Variants in CCDC141 observed in about 807,000 individuals in gnomAD.
CCDC141 encodes the protein coiled-coil domain-containing protein 141.
Under a neutral mutation model 181.0 loss-of-function variants are expected in CCDC141, and 168 were observed. The ratio of observed to expected loss-of-function variants is 0.93; its 90% CI spans 0.82 to 1.05. The LOEUF (loss-of-function observed/expected upper bound fraction) is 1.05, where lower values mean the gene tolerates loss of function less well. Ranked by LOEUF, CCDC141 falls within the 50% of genes least tolerant of loss-of-function variation. CCDC141 has a pLI of 0.00. For missense variants in CCDC141, 1,902 were observed against 1,788.5 expected, an observed-to-expected ratio of 1.06 and a Z score of -1.14; for synonymous variants, 666 against 642.3, an observed-to-expected ratio of 1.04 and a Z score of -0.56.
chr2:178,977,674 G>T (rs1691180854), intron 3 of CCDC141, among the ~76,000 whole-genome samples: 1 of 152,012 alleles, frequency 6.6e-6, no homozygotes, highest in South Asian at 2.1e-4. Context: ...TTGGATTTAA[G>T]TCCTGAATTT....
intron 17 of CCDC141, among the ~76,000 whole-genome samples, chr2:178,857,187 ACAGCCATC>A (rs1685425057): frequency 6.6e-6 from 1 of 152,114 alleles, no homozygotes; most frequent in South Asian, 2.1e-4. Flanking sequence ...ATACTCTCTC[ACAGCCATC>A]ATGTATACAT....
chr2:179,014,891 T>A (rs1046553204), intron 2 of CCDC141, among the ~76,000 whole-genome samples: 31 of 151,404 alleles, frequency 2.0e-4, no homozygotes, highest in African/African-American at 7.3e-4. Context: ...AAAGTAGAAC[T>A]ACCATTTGAT....
At chr2:178,990,120 CA>C (rs1691975894) in intron 2 of CCDC141, among the ~76,000 whole-genome samples, 1 of 117,202 alleles carries the variant, frequency 8.5e-6, no homozygotes, top group Non-Finnish European at 1.7e-5. Context: ...GGCTGGACAA[CA>C]AGAGCGAAAT....
intron 2 of CCDC141, among the ~76,000 whole-genome samples, chr2:178,989,939 C>T (rs912515276): frequency 2.7e-5 from 4 of 149,650 alleles, no homozygotes; most frequent in Non-Finnish European, 4.4e-5. Flanking sequence ...CAGGAGTTCA[C>T]GACCAGCCTG....
intron 2 of CCDC141, among the ~76,000 whole-genome samples, chr2:178,996,226 C>A (rs1392056937): frequency 6.6e-6 from 1 of 151,854 alleles, no homozygotes; most frequent in African/African-American, 2.4e-5. Flanking sequence ...TACAGGCATG[C>A]ACCACCATGC....
In CCDC141 at chr2:178,869,176, TTC is replaced by T. The variant is rs1685994575; in HGVS notation, c.2333_2334del (p.Arg778AsnfsTer41). 1 of 1,613,542 alleles carries T rather than the reference TTC, an allele frequency of 6.2e-7. No homozygotes were observed. Among genetic ancestry groups the T allele is most frequent in the Non-Finnish European group, 8.5e-7 (1 of 1,179,766 alleles). On this transcript the variant is annotated frameshift_variant, in exon 15 of 24. Coordinates refer to ENST00000443758, the MANE Select transcript of CCDC141 (RefSeq NM_173648.4). LOFTEE classifies it high-confidence loss of function. Reference sequence around the variant, plus strand: ...TACAGGATATCCTCGTAATCCTGGATTCTCTCTTTCTGTTTTTGATGGAAGTG... The same window carrying T: ...TACAGGATATCCTCGTAATCCTGGATTCTCTTTCTGTTTTTGATGGAAGTG... ...LIHFHQKQKE[R>X]IQDYEDILYK...
chr2:178,972,456 G>A (rs748896650), intron 4 of CCDC141, among the ~76,000 whole-genome samples: 4 of 152,170 alleles, frequency 2.6e-5, no homozygotes, highest in Non-Finnish European at 5.9e-5. Flanking sequence ...CACAGTGTGT[G>A]AGGTGATGTA....
intron 6 of CCDC141, among the ~76,000 whole-genome samples, chr2:178,919,673 A>C (rs1450659762): frequency 1.3e-5 from 2 of 152,278 alleles, no homozygotes; most frequent in African/African-American, 4.8e-5. Context: ...ATGCAGGTAA[A>C]TGTGTACAAG....
rs1201761171 is a variant in CCDC141 at position 178,975,068 on chromosome 2, T to G, written c.515A>C (p.His172Pro). 1.3e-6 allele frequency: 2 copies of G among 1,488,022 alleles called. No individual in the cohort carries two copies. The highest frequency in any genetic ancestry group is 1.8e-6 in the Non-Finnish European group (2 of 1,097,746). The allele number at this position is 1,488,022 out of a possible 1,614,324, so 92.2% of individuals were successfully genotyped here. A position where few individuals can be genotyped will look rare whatever the true frequency, so the allele number is the denominator to read the frequency against. Residue 172 changes from histidine (H) to proline (P), a missense_variant, in exon 4 of 24, where the codon CAT (histidine) becomes CCT (proline). By Grantham distance (77) the His-to-Pro change is moderately conservative (BLOSUM62 -2). Coordinates refer to ENST00000443758, the MANE Select transcript of CCDC141 (RefSeq NM_173648.4). Reference protein sequence around the residue: ...SLKSLLQLHEHHTKELLERSL... With the variant: ...SLKSLLQLHEPHTKELLERSL... ...AACATATTTCTTGCCTTTAGTATGATGTTCATGAAGCTGAAGAAGTGATTT... is the reference window on the plus strand; with the variant it reads ...AACATATTTCTTGCCTTTAGTATGAGGTTCATGAAGCTGAAGAAGTGATTT...
In CCDC141 at chr2:178,865,881, C is replaced by T. The variant is rs1474140463; in HGVS notation, c.2610G>A (p.Gln870=). 1 of 1,600,200 alleles carries T rather than the reference C, an allele frequency of 6.2e-7. No homozygotes were observed. Residue 870 remains glutamine, a synonymous_variant, in exon 17 of 24, where the codon CAG becomes CAA. Transcript: ENST00000443758. ...TGTCCTCCTCAAGGAGCTCCAGCTG[C>T]TGCTGTAGGTTCTTTGCAGAAACAT... is the stretch of plus-strand genomic sequence containing the variant. ...CSNVSAKNLQ[Q]QLELLEEDSM... is the part of the protein sequence containing the mutation.
At chr2:178,930,703 G>A (rs1339635657) in intron 6 of CCDC141, among the ~76,000 whole-genome samples, 1 of 152,070 alleles carries the variant, frequency 6.6e-6, no homozygotes, top group Non-Finnish European at 1.5e-5. Context: ...CTTCAACAGA[G>A]AAAGAATATT....
chr2:179,043,682 A>G (rs561413820), intron 2 of CCDC141, among the ~76,000 whole-genome samples: 81 of 152,360 alleles, frequency 5.3e-4, no homozygotes, highest in African/African-American at 1.9e-3. Flanking sequence ...ACCTCAAAAT[A>G]ACAAAAGCCA....
At position 178,850,092 on chromosome 2, in the gene CCDC141, G is replaced by A. The variant is rs1293223009; in HGVS notation, c.3314C>T (p.Thr1105Ile). The A allele has an allele frequency of 6.2e-7, 1 of 1,610,292 alleles. No individual in the cohort carries two copies. The highest frequency in any genetic ancestry group is 1.7e-5 in the Admixed American group (1 of 59,436). Residue 1105 changes from threonine to isoleucine, a missense_variant, in exon 21 of 24, where the codon ACT becomes ATT. Thr to Ile is a moderately conservative substitution (Grantham distance 89). Transcript: ENST00000443758. ...TKHKEVLESVTELCESLTELE... is the reference protein window; with the variant it reads ...TKHKEVLESVIELCESLTELE... ...CTCTGTGAGGGACTCACATAATTCA[G>A]TCACAGATTCAAGAACCTCTTTGTG... is the stretch of plus-strand genomic sequence containing the variant.
At chr2:179,020,008 G>A (rs746818457) in intron 2 of CCDC141, among the ~76,000 whole-genome samples, 13 of 151,982 alleles carry the variant, frequency 8.6e-5, no homozygotes, top group Non-Finnish European at 1.6e-4. Context: ...TGACCACCTG[G>A]GCCTACCAAA....
chr2:178,993,704 G>A (rs1692158669), intron 2 of CCDC141, among the ~76,000 whole-genome samples: 1 of 152,158 alleles, frequency 6.6e-6, no homozygotes, highest in Non-Finnish European at 1.5e-5. Flanking sequence ...ACAGTCTAAA[G>A]TCTCATCCAA....
At chr2:179,017,961 T>C (rs1032288206) in intron 2 of CCDC141, among the ~76,000 whole-genome samples, 1 of 152,066 alleles carries the variant, frequency 6.6e-6, no homozygotes, top group Non-Finnish European at 1.5e-5. Context: ...AGGAAAATAT[T>C]TTGGAATTGG....
At chr2:179,004,173 T>A (rs1300013614) in intron 2 of CCDC141, among the ~76,000 whole-genome samples, 1 of 152,172 alleles carries the variant, frequency 6.6e-6, no homozygotes, top group African/African-American at 2.4e-5. Flanking sequence ...AATGTTGCAT[T>A]TTGGGATTTG....
rs1575154161 is a variant in CCDC141, at chr2:178,872,068, G to T, written c.2079+65C>A. ...ATTTCACTTAGCTAGTGTTTTCAAG[G>T]TTCGCTCATGTTAGCCTGTGTCGGA... is the stretch of plus-strand genomic sequence containing the variant. On this transcript the variant is annotated intron_variant, in intron 13 of 23. Coordinates refer to ENST00000443758, the MANE Select transcript of CCDC141 (RefSeq NM_173648.4). The T allele has an allele frequency of 6.7e-6, 10 of 1,495,112 alleles. No individual in the cohort carries two copies. The East Asian group carries it at 2.1e-4, about 31-fold the overall frequency. The allele number at this position is 1,495,112 out of a possible 1,614,324, so 92.6% of individuals were successfully genotyped here. A position where few individuals can be genotyped will look rare whatever the true frequency, so the allele number is the denominator to read the frequency against.
intron 2 of CCDC141, among the ~76,000 whole-genome samples, chr2:179,010,572 A>G (rs1423816748): frequency 6.6e-6 from 1 of 152,154 alleles, no homozygotes; most frequent in African/African-American, 2.4e-5. Context: ...TGAAGGAAAG[A>G]TACAGTCTTT....
Sources: allele counts gnomAD v4.1 joint callset (sites outside exome capture counted in the v4.1 genomes callset), GRCh38; gene constraint gnomAD v4.1.1; transcripts MANE v1.5; gene names NCBI Gene and HGNC (gene_info 2026-07-23, HGNC 2026-07-21).